MYL12B: variants seen among roughly 807,000 people sequenced by gnomAD.
MYL12B encodes myosin regulatory light chain 12B.
In MYL12B, 3 loss-of-function variants were observed where a neutral mutation model predicts 12.9. The observed-to-expected ratio is 0.23, with a 90% CI of 0.11 to 0.60. The LOEUF (loss-of-function observed/expected upper bound fraction) is 0.60, where lower values mean the gene tolerates loss of function less well. Among genes scored for constraint, MYL12B ranks in the 20% least tolerant of loss-of-function variants. The pLI, the probability that MYL12B is intolerant of heterozygous loss-of-function variation, is 0.89. For synonymous variants in MYL12B, 57 were observed against 71.9 expected, an observed-to-expected ratio of 0.79 and a Z score of 1.05; for missense variants, 120 against 215.4, an observed-to-expected ratio of 0.56 and a Z score of 2.77.
intron 2 of MYL12B, among the ~76,000 whole-genome samples, chr18:3,274,548 C>T (rs150228529): frequency 2.0e-5 from 3 of 152,214 alleles, no homozygotes; most frequent in Non-Finnish European, 2.9e-5. Context: ...AGGGAAATGA[C>T]GTACAGGAAT....
intron 1 of MYL12B, among the ~76,000 whole-genome samples, chr18:3,267,690 TG>T (rs1281284413): frequency 4.6e-5 from 7 of 152,166 alleles, no homozygotes; most frequent in Non-Finnish European, 7.3e-5. Context: ...GTATTATAAT[TG>T]TTCTATTTTA....
chr18:3,270,671 G>C (rs1450325048), intron 1 of MYL12B, among the ~76,000 whole-genome samples: 3 of 152,116 alleles, frequency 2.0e-5, no homozygotes, highest in South Asian at 4.1e-4. Context: ...ATTCTGATTT[G>C]ATTTGATTTG....
intron 1 of MYL12B, among the ~76,000 whole-genome samples, chr18:3,267,088 A>G (rs1373816579): frequency 6.6e-6 from 1 of 152,216 alleles, no homozygotes; most frequent in South Asian, 2.1e-4. Flanking sequence ...TCAACCTTCA[A>G]TGTGCATTGA....
chr18:3,268,927 A>G (rs2081655409), intron 1 of MYL12B, among the ~76,000 whole-genome samples: 1 of 152,166 alleles, frequency 6.6e-6, no homozygotes, highest in African/African-American at 2.4e-5. Flanking sequence ...CACTTAATAA[A>G]TGGTAGTAGC....
intron 1 of MYL12B, among the ~76,000 whole-genome samples, chr18:3,267,697 TTTTA>T (rs988568591): frequency 1.8e-4 from 28 of 152,216 alleles, no homozygotes; most frequent in African/African-American, 6.8e-4. Flanking sequence ...AATTGTTCTA[TTTTA>T]TTATTGTTAA....
chr18:3,268,802 G>GC (rs1184728775), intron 1 of MYL12B, among the ~76,000 whole-genome samples: 1 of 152,208 alleles, frequency 6.6e-6, no homozygotes, highest in Non-Finnish European at 1.5e-5. Context: ...TTGAATCCTA[G>GC]CTCTGCCACT....
At chr18:3,267,761 G>A (rs1012802183) in intron 1 of MYL12B, among the ~76,000 whole-genome samples, 64 of 152,102 alleles carry the variant, frequency 4.2e-4, no homozygotes, top group African/African-American at 1.3e-3. Flanking sequence ...AGGTATGTAT[G>A]TATAAGAAAA....
chr18:3,272,763 A>G, intron 1 of MYL12B, 121 bp from the exon 2 acceptor site: 1 of 906,922 alleles, frequency 1.1e-6, no homozygotes. Context: ...TTCCTACCCA[A>G]TTGAAGTAAT....
intron 1 of MYL12B, chr18:3,271,997 C>A: frequency 1.1e-6 from 1 of 925,574 alleles, no homozygotes; most frequent in Non-Finnish European, 1.3e-6. Flanking sequence ...CAAGATCAGA[C>A]TGGGCAATAT....
chr18:3,276,610 C>T (rs1045389036), intron 2 of MYL12B: 7 of 955,924 alleles, frequency 7.3e-6, no homozygotes, highest in Non-Finnish European at 8.7e-6. Context: ...ACTTAAATGG[C>T]CAACTTATAA....
intron 1 of MYL12B, among the ~76,000 whole-genome samples, chr18:3,263,405 G>A (rs1033179842): frequency 2.0e-5 from 3 of 152,220 alleles, no homozygotes; most frequent in Non-Finnish European, 4.4e-5. Flanking sequence ...GAAACCCAGA[G>A]AGGTGAGGTA....
At chr18:3,267,644 A>G (rs192095993) in intron 1 of MYL12B, among the ~76,000 whole-genome samples, 1 of 152,374 alleles carries the variant, frequency 6.6e-6, no homozygotes, top group African/African-American at 2.4e-5. Flanking sequence ...AGATATTTTC[A>G]GAGAGAGATC....
intron 1 of MYL12B, among the ~76,000 whole-genome samples, chr18:3,265,132 T>C (rs1324616250): frequency 6.6e-6 from 1 of 152,166 alleles, no homozygotes; most frequent in Non-Finnish European, 1.5e-5. Flanking sequence ...TAAAAAAAGT[T>C]GAAAAAATTG....
intron 2 of MYL12B, chr18:3,276,425 A>G (rs1426829589): frequency 5.1e-6 from 5 of 984,378 alleles, no homozygotes; most frequent in Non-Finnish European, 6.0e-6. Context: ...AGGTCAGGGG[A>G]GTTCCCTCAC....
intron 1 of MYL12B, among the ~76,000 whole-genome samples, chr18:3,267,533 G>T (rs2081643281): frequency 6.6e-6 from 1 of 152,126 alleles, no homozygotes; most frequent in African/African-American, 2.4e-5. Context: ...TAATACAGTA[G>T]TCCTATATGA....
chr18:3,267,079 C>T (rs1299118794), intron 1 of MYL12B, among the ~76,000 whole-genome samples: 1 of 152,210 alleles, frequency 6.6e-6, no homozygotes, highest in Non-Finnish European at 1.5e-5. Flanking sequence ...AAGTGGTTCT[C>T]AACCTTCAAT....
intron 1 of MYL12B, among the ~76,000 whole-genome samples, chr18:3,264,557 T>A (rs1434305471): frequency 1.3e-5 from 2 of 152,116 alleles, no homozygotes; most frequent in Non-Finnish European, 1.5e-5. Context: ...ACCCACTCCT[T>A]GCAAAGTAGC....
intron 1 of MYL12B, among the ~76,000 whole-genome samples, chr18:3,266,084 T>TC (rs1376527640): frequency 1.3e-5 from 2 of 152,188 alleles, no homozygotes; most frequent in African/African-American, 4.8e-5. Flanking sequence ...AACAGAATAC[T>TC]CCAAAACCTA....
intron 1 of MYL12B, among the ~76,000 whole-genome samples, chr18:3,268,045 G>A (rs1177454869): frequency 1.3e-5 from 2 of 151,866 alleles, no homozygotes; most frequent in Non-Finnish European, 2.9e-5. Flanking sequence ...ATTGATTCTC[G>A]GTTGAATCTG....
Sources: allele counts gnomAD v4.1 joint callset (sites outside exome capture counted in the v4.1 genomes callset), GRCh38; gene constraint gnomAD v4.1.1; transcripts MANE v1.5; gene names NCBI Gene and HGNC (gene_info 2026-07-23, HGNC 2026-07-21).